Variants in HAPLN3 observed in about 807,000 individuals in gnomAD.
HAPLN3 encodes extracellular link domain containing, 1.
Under a neutral mutation model 28.1 loss-of-function variants are expected in HAPLN3, and 28 were observed. The ratio of observed to expected loss-of-function variants is 1.00; its 90% CI spans 0.74 to 1.37. The LOEUF is 1.37. Ranked by LOEUF, HAPLN3 falls within the 40% of genes most tolerant of loss-of-function variation. HAPLN3 has a pLI of 0.00. For missense variants in HAPLN3, 513 were observed against 504.6 expected (o/e 1.02, Z -0.16); for synonymous variants, 211 against 213.1 (o/e 0.99, Z 0.09).
Position 88,877,379 on chromosome 15 carries a change from A to G in HAPLN3, c.*591T>C, listed in dbSNP as rs1039118387. On this transcript the variant is annotated 3_prime_UTR_variant, in exon 5 of 5. Coordinates refer to ENST00000359595, the MANE Select transcript of HAPLN3 (RefSeq NM_178232.4). This position sits in a 1 kb window ranked among gnomAD's most constrained non-coding sequence, Gnocchi z 5.1. ...CCCACACAGGGAAACAGGAGAAACA[A>G]ATGACAACAAAACAGATTCTTTGGA... 1 of 152,956 alleles carries G rather than the reference A, an allele frequency of 6.5e-6. No individual in the cohort carries two copies. The highest frequency in any genetic ancestry group is 2.4e-5 in the African/African-American group (1 of 41,464). 9.5% of individuals were successfully genotyped at this position (152,956 alleles called of 1,614,324 possible).
chr15:88,892,829 C>T (rs1353267370), intron 1 of HAPLN3: 1 of 890,860 alleles, frequency 1.1e-6, no homozygotes, highest in Non-Finnish European at 1.7e-6. Flanking sequence ...TCAGGTCCAT[C>T]TCTGACCATC....
intron 1 of HAPLN3, chr15:88,893,024 A>G: frequency 6.0e-6 from 9 of 1,506,960 alleles, no homozygotes; most frequent in Non-Finnish European, 7.1e-6. Flanking sequence ...CTGGGCACTC[A>G]GACCTGGGCT....
Position 88,888,092 on chromosome 15 carries a change from G to A in HAPLN3, c.-47-747C>T, listed in dbSNP as rs1225397170. Among the ~76,000 whole-genome samples the A allele has an allele frequency of 2.0e-5, 3 of 150,944 alleles. No individual in the cohort carries two copies. Among genetic ancestry groups the A allele is most frequent in the African/African-American group, 7.4e-5 (3 of 40,736 alleles). ...GGTATGTTAAGTAAAGATGAGTCCT[G>A]CATTGTGAACCCTTTTTTTTTTTTT... On this transcript the variant is annotated intron_variant, in intron 1 of 4. Transcript: ENST00000359595. The surrounding 1 kb of genome is among the most constrained non-coding windows in gnomAD (Gnocchi z 4.1).
At chr15:88,882,077 C>A (rs180840700) in intron 2 of HAPLN3, among the ~76,000 whole-genome samples, 4 of 152,314 alleles carry the variant, frequency 2.6e-5, no homozygotes, top group Non-Finnish European at 5.9e-5. Flanking sequence ...ACCATGAGCA[C>A]ATGGCCAGGC....
rs551613985 is a variant in HAPLN3 at position 88,887,320 on chromosome 15, G to A, written c.-22C>T. 75 of 1,613,314 alleles carry A rather than the reference G, an allele frequency of 4.6e-5. No homozygotes were observed. In the Admixed American group the frequency reaches 6.8e-4, roughly 15 times the overall value. On this transcript the variant is annotated 5_prime_UTR_variant, in exon 2 of 5. Transcript: ENST00000359595. ...CCATCTCCTCATGCCAGGGTGACCC[G>A]GGCCAGGCTGGGGCCCCAGGGCAAA...
intron 1 of HAPLN3, among the ~76,000 whole-genome samples, chr15:88,890,353 T>C (rs189361257): frequency 1.3e-5 from 2 of 152,308 alleles, no homozygotes; most frequent in African/African-American, 4.8e-5. Context: ...CCCTTGGTGA[T>C]GGAGAACTGG....
At chr15:88,883,892 A>T (rs920361387) in intron 2 of HAPLN3, among the ~76,000 whole-genome samples, 5 of 152,100 alleles carry the variant, frequency 3.3e-5, no homozygotes, top group Non-Finnish European at 7.4e-5. Context: ...AGCGTGGCCA[A>T]CACGGTGAAG....
chr15:88,890,453 G>A (rs1287679916), intron 1 of HAPLN3, among the ~76,000 whole-genome samples: 1 of 152,172 alleles, frequency 6.6e-6, no homozygotes, highest in South Asian at 2.1e-4. Flanking sequence ...TATTCACTGC[G>A]AGATTCTGGG....
chr15:88,881,267 G>A lies in HAPLN3; in HGVS notation c.493+90C>T. 6.9e-7 allele frequency: 1 copy of A among 1,453,722 alleles called. No individual in the cohort carries two copies. The highest frequency in any genetic ancestry group is 9.2e-7 in the Non-Finnish European group (1 of 1,084,706). 90.1% of individuals were successfully genotyped at this position (1,453,722 alleles called of 1,614,324 possible). A position where few individuals can be genotyped will look rare whatever the true frequency, so the allele number is the denominator to read the frequency against. On this transcript the variant is annotated intron_variant, in intron 3 of 4. Coordinates refer to ENST00000359595, the MANE Select transcript of HAPLN3 (RefSeq NM_178232.4). The surrounding 1 kb of genome is among the most constrained non-coding windows in gnomAD (Gnocchi z 6.0). ...TTTTGAGAATTAAGTACTTTTAAAT[G>A]TCTAAAGCACAGAGGTCTGGATGTT...
chr15:88,889,875 A>G (rs1002991961), intron 1 of HAPLN3, among the ~76,000 whole-genome samples: 9 of 152,124 alleles, frequency 5.9e-5, no homozygotes, highest in Admixed American at 3.3e-4. Context: ...TGCCTCTGCT[A>G]TGATTGCAAC....
chr15:88,888,943 G>A lies in HAPLN3; in HGVS notation c.-47-1598C>T, dbSNP rs1027446779. 8.5e-5 allele frequency among the ~76,000 whole-genome samples: 13 copies of A among 152,200 alleles called. No individual in the cohort carries two copies. The highest frequency in any genetic ancestry group is 2.9e-4 in the African/African-American group (12 of 41,444). ...GCCCCACACACCCACCAGGTCCATC[G>A]TCTGTCCTTCTCTGACACGTATTGG... On this transcript the variant is annotated intron_variant, in intron 1 of 4. Coordinates refer to ENST00000359595, the MANE Select transcript of HAPLN3 (RefSeq NM_178232.4). The surrounding 1 kb of genome is among the most constrained non-coding windows in gnomAD (Gnocchi z 4.1).
rs1897641381 is a variant in HAPLN3, at chr15:88,879,606, G to C, written c.494-337C>G. ...TTCTCCAGACAGGCCCGGGCTTTGG[G>C]CTCTAGGGGCCAGGTTTGACTCCCA... On this transcript the variant is annotated intron_variant, in intron 3 of 4. Transcript: ENST00000359595. The surrounding 1 kb of genome is among the most constrained non-coding windows in gnomAD (Gnocchi z 5.0). The C allele has an allele frequency of 5.4e-6, 7 of 1,302,506 alleles. No individual in the cohort carries two copies. The highest frequency in any genetic ancestry group is 7.0e-6 in the Non-Finnish European group (7 of 1,003,014). 80.7% of individuals were successfully genotyped at this position (1,302,506 alleles called of 1,614,324 possible).
chr15:88,880,471 G>A lies in HAPLN3; in HGVS notation c.493+886C>T, dbSNP rs1400769110. On this transcript the variant is annotated intron_variant, in intron 3 of 4. Transcript: ENST00000359595. This position sits in a 1 kb window ranked among gnomAD's most constrained non-coding sequence, Gnocchi z 6.0. ...TGATACCCCATTTTACACCTGAGAG[G>A]CCCAGGGCTCTAAGGGGGATGAGGC... is the stretch of plus-strand genomic sequence containing the variant. 2.4e-6 allele frequency: 3 copies of A among 1,231,640 alleles called. No homozygotes were observed. Among genetic ancestry groups the A allele is most frequent in the Admixed American group, 5.1e-5 (2 of 39,510 alleles). 76.3% of individuals were successfully genotyped at this position (1,231,640 alleles called of 1,614,324 possible).
At position 88,881,801 on chromosome 15, in the gene HAPLN3, C is replaced by T. The variant is rs565843765; in HGVS notation, c.125-76G>A. ...CCCTGCAAGGGCCACCGCACACCCTCATCCACGGCTCCTACAGGCTCAGAT... is the reference window on the plus strand; with the variant it reads ...CCCTGCAAGGGCCACCGCACACCCTTATCCACGGCTCCTACAGGCTCAGAT... On this transcript the variant is annotated intron_variant, in intron 2 of 4. Coordinates refer to ENST00000359595, the MANE Select transcript of HAPLN3 (RefSeq NM_178232.4). This position sits in a 1 kb window ranked among gnomAD's most constrained non-coding sequence, Gnocchi z 6.0. 1 of 1,491,798 alleles carries T rather than the reference C, an allele frequency of 6.7e-7. No homozygotes were observed. The highest frequency in any genetic ancestry group is 1.3e-5 in the South Asian group (1 of 75,394). The allele number at this position is 1,491,798 out of a possible 1,614,324, so 92.4% of individuals were successfully genotyped here.
chr15:88,895,223 G>A lies in HAPLN3; in HGVS notation c.-48+236C>T, dbSNP rs923189945. On this transcript the variant is annotated intron_variant, in intron 1 of 4. Coordinates refer to ENST00000359595, the MANE Select transcript of HAPLN3 (RefSeq NM_178232.4). This position sits in a 1 kb window ranked among gnomAD's most constrained non-coding sequence, Gnocchi z 5.5. ...GGCTCTGCTCCCTCACGGTGGGCAC[G>A]AGGGTCCGGCGCCCGCATCCCCGCG... Among the ~76,000 whole-genome samples the A allele has an allele frequency of 1.2e-4, 19 of 152,104 alleles. No homozygotes were observed. Among genetic ancestry groups the A allele is most frequent in the African/African-American group, 4.6e-4 (19 of 41,434 alleles).
chr15:88,893,222 G>A, intron 1 of HAPLN3: 1 of 641,166 alleles, frequency 1.6e-6, no homozygotes. Flanking sequence ...TTCGAGACTG[G>A]CCTGGCCAAC....
intron 1 of HAPLN3, among the ~76,000 whole-genome samples, chr15:88,890,413 G>T (rs1043279306): frequency 1.3e-5 from 2 of 152,196 alleles, no homozygotes; most frequent in African/African-American, 4.8e-5. Flanking sequence ...GGAACTGGAA[G>T]ATCAGAGTTC....
Position 88,881,588 on chromosome 15 carries a change from A to G in HAPLN3, c.262T>C (p.Trp88Arg), listed in dbSNP as rs1317839390. 4 of 1,613,828 alleles carry G rather than the reference A, an allele frequency of 2.5e-6. No homozygotes were observed. Among genetic ancestry groups the G allele is most frequent in the Non-Finnish European group, 1.7e-6 (2 of 1,180,014 alleles). Residue 88 changes from tryptophan (W) to arginine (R), a missense_variant, in exon 3 of 5, where the codon TGG (tryptophan) becomes CGG (arginine). Trp to Arg is a moderately radical substitution (Grantham distance 101). Transcript: ENST00000359595. The surrounding 1 kb of genome is among the most constrained non-coding windows in gnomAD (Gnocchi z 6.0). ...GCCCCGTTCTCCGACAGCTTCCACC[A>G]TTTGACACGCACACGCCGCGGGGAG... is the stretch of plus-strand genomic sequence containing the variant. ...LVSPRRVRVK[W>R]WKLSENGAPE...
chr15:88,893,373 A>G (rs1898065433), intron 1 of HAPLN3, among the ~76,000 whole-genome samples: 2 of 150,926 alleles, frequency 1.3e-5, no homozygotes, highest in African/African-American at 4.9e-5. Flanking sequence ...AGCCAAGACC[A>G]CACCACTGCA....
Sources: allele counts gnomAD v4.1 joint callset (sites outside exome capture counted in the v4.1 genomes callset), GRCh38; gene constraint gnomAD v4.1.1; non-coding constraint Gnocchi (gnomAD v3.1); transcripts MANE v1.5; gene names NCBI Gene and HGNC (gene_info 2026-07-23, HGNC 2026-07-21).